The following ATAD1 variants were observed in gnomAD, a reference collection of about 807,000 sequenced individuals.
ATAD1 encodes ATPase family AAA domain containing 1, also known as outer mitochondrial transmembrane helix translocase.
In ATAD1, 18 loss-of-function variants were observed where a neutral mutation model predicts 42.7. The ratio of observed to expected loss-of-function variants is 0.42; its 90% confidence interval spans 0.29 to 0.63. The LOEUF is 0.63. Among genes scored for constraint, ATAD1 ranks in the 20% least tolerant of loss-of-function variants. ATAD1 has a pLI of 0.19. For missense variants in ATAD1, 294 were observed against 440.4 expected, an observed-to-expected ratio of 0.67 and a Z score of 2.98; for synonymous variants, 132 against 143.1, an observed-to-expected ratio of 0.92 and a Z score of 0.55.
At position 87,751,741 on chromosome 10, in the gene ATAD1, T is replaced by C. The variant is rs529362417; in HGVS notation, c.*2946A>G. 2.0e-5 allele frequency: 3 copies of C among 152,302 alleles called. No individual in the cohort carries two copies. The highest frequency in any genetic ancestry group is 4.8e-5 in the African/African-American group (2 of 41,562). The allele number at this position is 152,302 out of a possible 1,614,324, so 9.4% of individuals were successfully genotyped here. A position where few individuals can be genotyped will look rare whatever the true frequency, so the allele number is the denominator to read the frequency against. On this transcript the variant is annotated 3_prime_UTR_variant, in exon 10 of 10. Coordinates refer to ENST00000680024, the MANE Select transcript of ATAD1 (RefSeq NM_001321967.2). ...AGATGGAATTATTCTATGACTTCAT[T>C]TGAAGCACCCAGTTGGTGCTGGAGT...
At chr10:87,760,049 A>T (rs1176158353) in intron 8 of ATAD1, among the ~76,000 whole-genome samples, 1 of 152,242 alleles carries the variant, frequency 6.6e-6, no homozygotes, top group Non-Finnish European at 1.5e-5. Flanking sequence ...AGCTTGAAAG[A>T]ATGATACTTA....
chr10:87,770,901 T>G lies in ATAD1; in HGVS notation c.780+51A>C, dbSNP rs374506570. On this transcript the variant is annotated intron_variant, in intron 7 of 9. Coordinates refer to ENST00000680024, the MANE Select transcript of ATAD1 (RefSeq NM_001321967.2). ...CTTCTTAAAATTAAAGGTGAAGACCTATAAAAAGGTGAGTATTTAACTCTT... is the reference window on the plus strand; with the variant it reads ...CTTCTTAAAATTAAAGGTGAAGACCGATAAAAAGGTGAGTATTTAACTCTT... 31 of 1,507,954 alleles carry G rather than the reference T, an allele frequency of 2.1e-5. No individual in the cohort carries two copies. In the African/African-American group the frequency reaches 4.3e-4, roughly 21 times the overall value. The allele number at this position is 1,507,954 out of a possible 1,614,324, so 93.4% of individuals were successfully genotyped here.
rs1170079012 is a variant in ATAD1 at position 87,752,376 on chromosome 10, T to C, written c.*2311A>G. ...GAATGAGCCTGGTCAACAGGAAATG[T>C]ACATCAGTGTGCAAAAGTGACAATA... On this transcript the variant is annotated 3_prime_UTR_variant, in exon 10 of 10. Transcript: ENST00000680024. 1.3e-5 allele frequency: 2 copies of C among 152,220 alleles called. No homozygotes were observed. The highest frequency in any genetic ancestry group is 6.5e-5 in the Admixed American group (1 of 15,278). 9.4% of individuals were successfully genotyped at this position (152,220 alleles called of 1,614,324 possible). A position where few individuals can be genotyped will look rare whatever the true frequency, so the allele number is the denominator to read the frequency against.
At chr10:87,840,584 T>C (rs1438231734) in intron 1 of ATAD1, among the ~76,000 whole-genome samples, 1 of 152,256 alleles carries the variant, frequency 6.6e-6, no homozygotes, top group African/African-American at 2.4e-5. Flanking sequence ...GAGGGAATTT[T>C]GGTTATTTCT....
intron 1 of ATAD1, among the ~76,000 whole-genome samples, chr10:87,839,062 A>G (rs1857982477): frequency 6.6e-6 from 1 of 152,212 alleles, no homozygotes; most frequent in African/African-American, 2.4e-5. Flanking sequence ...TGCAAGATTT[A>G]TAACAAATTA....
chr10:87,814,638 C>A, intron 1 of ATAD1, 26 bp from the exon 2 acceptor site: 1 of 1,550,818 alleles, frequency 6.4e-7, no homozygotes. Context: ...AGAAATGTCA[C>A]TAGGTAATAA....
In ATAD1 at chr10:87,756,733, C is replaced by T. The variant is rs544061202; in HGVS notation, c.965+56G>A. Reference sequence around the variant, plus strand: ...TATAAAGCAAAATAAAAGAAACTAACCTAAAAGCTCTAAAAGATTTTGACA... The same window carrying T: ...TATAAAGCAAAATAAAAGAAACTAATCTAAAAGCTCTAAAAGATTTTGACA... On this transcript the variant is annotated intron_variant, in intron 9 of 9. Transcript: ENST00000680024. The T allele has an allele frequency of 2.7e-5, 40 of 1,455,230 alleles. No individual in the cohort carries two copies. The African/African-American group carries it at 4.8e-4, about 17-fold the overall frequency. 90.1% of individuals were successfully genotyped at this position (1,455,230 alleles called of 1,614,324 possible). A position where few individuals can be genotyped will look rare whatever the true frequency, so the allele number is the denominator to read the frequency against.
upstream of ATAD1, among the ~76,000 whole-genome samples, chr10:87,822,324 C>A (rs115729778): frequency 0.021 from 3,125 of 151,938 alleles, 105 homozygotes; most frequent in African/African-American, 0.071. Context: ...ATTATTTTGA[C>A]AAGGTAAATT....
At chr10:87,826,242 A>G (rs1229794832) in intron 1 of ATAD1, among the ~76,000 whole-genome samples, 1 of 152,234 alleles carries the variant, frequency 6.6e-6, no homozygotes, top group Admixed American at 6.5e-5. Context: ...AGTATACTAA[A>G]TTGGCAGGGA....
intron 5 of ATAD1, among the ~76,000 whole-genome samples, chr10:87,782,962 C>A: frequency 6.7e-6 from 1 of 150,090 alleles, no homozygotes. Flanking sequence ...TGTGCCACTG[C>A]AATCCAGCCA....
chr10:87,816,410 G>A (rs981652148), intron 1 of ATAD1, among the ~76,000 whole-genome samples: 2 of 152,110 alleles, frequency 1.3e-5, no homozygotes, highest in Non-Finnish European at 2.9e-5. Context: ...CTTCATTTTG[G>A]AGGAAGAAAC....
chr10:87,804,880 C>G (rs1003713940), intron 2 of ATAD1, among the ~76,000 whole-genome samples: 2 of 152,062 alleles, frequency 1.3e-5, no homozygotes, highest in African/African-American at 4.8e-5. Flanking sequence ...AATCCCAGTC[C>G]CTGTACAACA....
At chr10:87,782,405 C>T (rs374320817) in intron 5 of ATAD1, among the ~76,000 whole-genome samples, 1 of 151,910 alleles carries the variant, frequency 6.6e-6, no homozygotes. Flanking sequence ...CAATGGTGAG[C>T]AAAAAACCTA....
intron 3 of ATAD1, 142 bp from the exon 4 acceptor site, chr10:87,790,572 T>G (rs1856049540): frequency 1.1e-6 from 1 of 880,008 alleles, no homozygotes; most frequent in Non-Finnish European, 1.6e-6. Flanking sequence ...AGTAAAGACT[T>G]TTCCAAGCAG....
At chr10:87,782,335 G>C (rs1855605713) in intron 5 of ATAD1, among the ~76,000 whole-genome samples, 1 of 152,160 alleles carries the variant, frequency 6.6e-6, no homozygotes, top group East Asian at 1.9e-4. Context: ...TTTGCTGAAA[G>C]AACTTTGAAA....
At chr10:87,786,939 G>A (rs1008482344) in intron 4 of ATAD1, among the ~76,000 whole-genome samples, 1 of 151,900 alleles carries the variant, frequency 6.6e-6, no homozygotes, top group Admixed American at 6.6e-5. Flanking sequence ...TGGGCAACAG[G>A]GCGAGACTCC....
chr10:87,801,864 T>G (rs899080462), intron 2 of ATAD1, among the ~76,000 whole-genome samples: 1 of 152,212 alleles, frequency 6.6e-6, no homozygotes, highest in Non-Finnish European at 1.5e-5. Flanking sequence ...GGAACATCCA[T>G]GAATATCAAA....
At chr10:87,826,034 G>A (rs1319139762) in intron 1 of ATAD1, among the ~76,000 whole-genome samples, 1 of 152,198 alleles carries the variant, frequency 6.6e-6, no homozygotes, top group Non-Finnish European at 1.5e-5. Context: ...GTTTAAGGAT[G>A]AAATATCTAC....
intron 2 of ATAD1, among the ~76,000 whole-genome samples, chr10:87,811,297 C>A (rs1857168608): frequency 6.6e-6 from 1 of 151,468 alleles, no homozygotes; most frequent in African/African-American, 2.4e-5. Context: ...TGTACCACTG[C>A]ACTCCAGCCT....
Sources: gnomAD v4.1 joint callset for allele counts (sites outside exome capture counted in the v4.1 genomes callset) on GRCh38, gnomAD v4.1.1 for gene constraint, MANE v1.5 for transcripts, NCBI Gene and HGNC (gene_info 2026-07-23, HGNC 2026-07-21) for gene names.